CDH18: variants seen among roughly 807,000 people sequenced by gnomAD.
CDH18 encodes cadherin-18.
Under a neutral mutation model 67.9 loss-of-function variants are expected in CDH18, and 31 were observed. The observed-to-expected ratio is 0.46, with a 90% CI of 0.34 to 0.62. The LOEUF is 0.62. CDH18 is among the 20% of genes least tolerant of loss of function. The pLI is 0.01. For synonymous variants in CDH18, 362 were observed against 347.2 expected (o/e 1.04, Z -0.48); for missense variants, 890 against 975.5 (o/e 0.91, Z 1.17).
chr5:20,553,461 C>T (rs572867389), intron 1 of CDH18, among the ~76,000 whole-genome samples: 3 of 152,070 alleles, frequency 2.0e-5, no homozygotes, highest in Non-Finnish European at 2.9e-5. Context: ...ACAGAAACAA[C>T]GCTAACATTT....
At chr5:20,459,155 AAAAC>A (rs1164615377) in intron 1 of CDH18, among the ~76,000 whole-genome samples, 1 of 152,172 alleles carries the variant, frequency 6.6e-6, no homozygotes, top group Non-Finnish European at 1.5e-5. Context: ...AAAACAAAAC[AAAAC>A]AAACAAGAAA....
chr5:20,001,216 A>C (rs761235747), intron 2 of CDH18, among the ~76,000 whole-genome samples: 1 of 152,132 alleles, frequency 6.6e-6, no homozygotes, highest in East Asian at 1.9e-4. Flanking sequence ...TGCTTATTCA[A>C]TGTTGCTTTA....
In CDH18 at chr5:19,512,548, T is replaced by C. The variant is rs1451581220; in HGVS notation, c.1512+8109A>G. Reference sequence around the variant, plus strand: ...GTCTTATTTTCAATGTAATGGCAAATGGTCTAGTGTTTCAACTTAATTTTC... The same window carrying C: ...GTCTTATTTTCAATGTAATGGCAAACGGTCTAGTGTTTCAACTTAATTTTC... On this transcript the variant is annotated intron_variant, in intron 10 of 12. Transcript: ENST00000382275. Among the ~76,000 whole-genome samples, 5 of 152,140 alleles carry C rather than the reference T, an allele frequency of 3.3e-5. No homozygotes were observed. In the East Asian group the frequency reaches 7.7e-4, roughly 24 times the overall value.
chr5:19,649,149 C>A (rs890361139), intron 5 of CDH18, among the ~76,000 whole-genome samples: 35 of 152,228 alleles, frequency 2.3e-4, no homozygotes, highest in African/African-American at 8.2e-4. Flanking sequence ...ATTAAACCAG[C>A]TTCTCACAAA....
chr5:19,564,288 G>T (rs1284409152), intron 8 of CDH18, among the ~76,000 whole-genome samples: 2 of 152,196 alleles, frequency 1.3e-5, no homozygotes, highest in East Asian at 3.9e-4. Flanking sequence ...CCCAACCGCA[G>T]GCAGTGCAGC....
At chr5:20,261,533 G>A (rs1744653537) in intron 1 of CDH18, among the ~76,000 whole-genome samples, 1 of 152,074 alleles carries the variant, frequency 6.6e-6, no homozygotes, top group African/African-American at 2.4e-5. Flanking sequence ...GAGGTCAGGA[G>A]ATCAGTACCA....
chr5:19,735,951 T>A (rs1306983063), intron 4 of CDH18, among the ~76,000 whole-genome samples: 1 of 152,148 alleles, frequency 6.6e-6, no homozygotes, highest in Non-Finnish European at 1.5e-5. Context: ...TAAAAGATTA[T>A]TTTTTTGAAA....
chr5:20,186,705 A>G (rs1420330475), intron 2 of CDH18, among the ~76,000 whole-genome samples: 2 of 151,840 alleles, frequency 1.3e-5, no homozygotes, highest in Non-Finnish European at 2.9e-5. Flanking sequence ...TGCTGGTTGA[A>G]GTATTAATGA....
chr5:20,108,782 C>G (rs892050496), intron 2 of CDH18, among the ~76,000 whole-genome samples: 1 of 152,064 alleles, frequency 6.6e-6, no homozygotes. Context: ...CAGATTTTAA[C>G]GTGACAGTAA....
chr5:19,871,213 C>A (rs2150020335), intron 2 of CDH18, among the ~76,000 whole-genome samples: 1 of 152,250 alleles, frequency 6.6e-6, no homozygotes, highest in African/African-American at 2.4e-5. Flanking sequence ...AATAGAATGA[C>A]AGCATCCTTT....
chr5:20,442,442 A>G (rs1419441580), intron 1 of CDH18, among the ~76,000 whole-genome samples: 1 of 151,952 alleles, frequency 6.6e-6, no homozygotes, highest in Non-Finnish European at 1.5e-5. Context: ...GATGCTGGAC[A>G]TCTGCATCTC....
At chr5:20,470,690 C>T (rs1751989844) in intron 1 of CDH18, among the ~76,000 whole-genome samples, 1 of 152,162 alleles carries the variant, frequency 6.6e-6, no homozygotes, top group South Asian at 2.1e-4. Flanking sequence ...CGTCTCTATG[C>T]AATAGCATTG....
At chr5:20,172,754 G>A (rs1482568980) in intron 2 of CDH18, among the ~76,000 whole-genome samples, 1 of 152,016 alleles carries the variant, frequency 6.6e-6, no homozygotes, top group Non-Finnish European at 1.5e-5. Context: ...ACTTTGGGAG[G>A]CCAAGGCAGG....
chr5:19,979,382 CCTT>C (rs1798814245), intron 2 of CDH18, among the ~76,000 whole-genome samples: 1 of 151,994 alleles, frequency 6.6e-6, no homozygotes, highest in African/African-American at 2.4e-5. Flanking sequence ...TCACCTCAGA[CCTT>C]CTGCTGAAAC....
At position 20,542,102 on chromosome 5, in the gene CDH18, C is replaced by T. The variant is rs59101451; in HGVS notation, c.-580+33360G>A. Among the ~76,000 whole-genome samples, 1,507 of 152,180 alleles carry T rather than the reference C, an allele frequency of 9.9e-3. 20 individuals carry two copies. The highest frequency in any genetic ancestry group is 0.034 in the African/African-American group (1,401 of 41,524). On this transcript the variant is annotated intron_variant, in intron 1 of 14. Transcript: ENST00000507958. ...CTGGGACTACAGGCATGCACCACCA[C>T]GCCTAGCTAATTTTTGTATTTTTAA...
chr5:19,491,799 G>T (rs527550034), intron 11 of CDH18, among the ~76,000 whole-genome samples: 1 of 144,750 alleles, frequency 6.9e-6, no homozygotes, highest in African/African-American at 2.6e-5. Context: ...AATGAATGCT[G>T]CAAAAAAAAA....
chr5:19,653,247 C>A (rs1340933263), intron 5 of CDH18, among the ~76,000 whole-genome samples: 1 of 152,088 alleles, frequency 6.6e-6, no homozygotes, highest in East Asian at 1.9e-4. Context: ...GTAGTCATTG[C>A]ATAGCAACAA....
At chr5:20,025,412 T>C (rs1472754916) in intron 2 of CDH18, among the ~76,000 whole-genome samples, 1 of 152,192 alleles carries the variant, frequency 6.6e-6, no homozygotes, top group Non-Finnish European at 1.5e-5. Context: ...ATAAAATATA[T>C]AAATATAATA....
chr5:19,676,021 C>A (rs1342241039), intron 5 of CDH18, among the ~76,000 whole-genome samples: 1 of 151,326 alleles, frequency 6.6e-6, no homozygotes, highest in Non-Finnish European at 1.5e-5. Context: ...TCTGATAGAG[C>A]TGAAAAACTC....
Sources: allele counts gnomAD v4.1 joint callset (sites outside exome capture counted in the v4.1 genomes callset), GRCh38; gene constraint gnomAD v4.1.1; transcripts MANE v1.5; gene names NCBI Gene and HGNC (gene_info 2026-07-23, HGNC 2026-07-21).